Variants in SH3PXD2A observed in about 807,000 individuals in gnomAD.
The protein encoded by SH3PXD2A is SH3 and PX domain-containing protein 2A.
A neutral mutation model predicts 115.2 loss-of-function variants in SH3PXD2A; 32 were observed. That is an observed-to-expected ratio of 0.28 (90% CI 0.21 to 0.37). The LOEUF is 0.37. Ranked by LOEUF, SH3PXD2A falls within the 10% of genes least tolerant of loss-of-function variation. SH3PXD2A has a pLI of 1.00. For synonymous variants in SH3PXD2A, 610 were observed against 629.1 expected (o/e 0.97, Z 0.45); for missense variants, 1,328 against 1,498.7 (o/e 0.89, Z 1.88).
intron 3 of SH3PXD2A, among the ~76,000 whole-genome samples, chr10:103,741,761 C>T (rs1175076824): frequency 6.6e-6 from 1 of 152,222 alleles, no homozygotes; most frequent in East Asian, 1.9e-4. Flanking sequence ...TCCTGCCCTT[C>T]TAACTGGGTC....
At position 103,855,343 on chromosome 10, in the gene SH3PXD2A, T is replaced by G; in HGVS notation, c.-77A>C. 1 of 1,171,780 alleles carries G rather than the reference T, an allele frequency of 8.5e-7. No individual in the cohort carries two copies. The highest frequency in any genetic ancestry group is 1.2e-6 in the Non-Finnish European group (1 of 858,226). The allele number at this position is 1,171,780 out of a possible 1,614,324, so 72.6% of individuals were successfully genotyped here. A position where few individuals can be genotyped will look rare whatever the true frequency, so the allele number is the denominator to read the frequency against. ...GCCGGGCTCCGGCTCCTTCTCCAGC[T>G]GCCGGGGTCCCGGGGCCGCCCGCCA... On this transcript the variant is annotated 5_prime_UTR_variant, in exon 1 of 15. Coordinates refer to ENST00000369774, the MANE Select transcript of SH3PXD2A (RefSeq NM_001394015.1).
At chr10:103,668,738 T>TGG in intron 6 of SH3PXD2A, 86 bp from the exon 7 acceptor site, 1 of 1,249,446 alleles carries the variant, frequency 8.0e-7, no homozygotes, top group Non-Finnish European at 1.1e-6. Flanking sequence ...CCACAGTGAG[T>TGG]GGCTGCAGGC....
chr10:103,645,525 T>G (rs2037022972), intron 8 of SH3PXD2A, among the ~76,000 whole-genome samples: 2 of 152,276 alleles, frequency 1.3e-5, no homozygotes, highest in Middle Eastern at 3.4e-3. Context: ...TGACAGCTCA[T>G]GTAGTCTGCT....
chr10:103,815,421 A>G (rs1589467246), intron 1 of SH3PXD2A, among the ~76,000 whole-genome samples: 2 of 148,706 alleles, frequency 1.3e-5, no homozygotes, highest in Admixed American at 6.8e-5. Flanking sequence ...GTATTTATAT[A>G]CAATATACAC....
intron 9 of SH3PXD2A, among the ~76,000 whole-genome samples, chr10:103,623,306 C>G (rs550972845): frequency 6.6e-6 from 1 of 152,094 alleles, no homozygotes; most frequent in South Asian, 2.1e-4. Context: ...TGACCCCGTG[C>G]CCTGAGCAGC....
intron 5 of SH3PXD2A, among the ~76,000 whole-genome samples, chr10:103,696,428 A>G (rs555841103): frequency 6.6e-6 from 1 of 152,232 alleles, no homozygotes; most frequent in South Asian, 2.1e-4. Context: ...CCCTATAACC[A>G]GTTCCAGTCT....
intron 1 of SH3PXD2A, among the ~76,000 whole-genome samples, chr10:103,811,289 AG>A (rs2039268153): frequency 6.6e-6 from 1 of 152,244 alleles, no homozygotes. Flanking sequence ...AACAGTCCAA[AG>A]AGTCAGCTCC....
intron 3 of SH3PXD2A, among the ~76,000 whole-genome samples, chr10:103,757,683 C>A (rs1338725285): frequency 6.6e-6 from 1 of 152,200 alleles, no homozygotes; most frequent in Non-Finnish European, 1.5e-5. Context: ...TTACTCCCTG[C>A]AAGACCTGGA....
intron 11 of SH3PXD2A, among the ~76,000 whole-genome samples, 196 bp from the exon 12 acceptor site, chr10:103,613,386 G>GC (rs888668925): frequency 1.8e-4 from 27 of 152,254 alleles, no homozygotes; most frequent in Middle Eastern, 3.4e-3. Flanking sequence ...AATTCCCACT[G>GC]CCCCCCCACC....
intron 3 of SH3PXD2A, among the ~76,000 whole-genome samples, chr10:103,737,638 G>C (rs1172021086): frequency 6.6e-6 from 1 of 152,218 alleles, no homozygotes; most frequent in Non-Finnish European, 1.5e-5. Context: ...GGAGGCTGGG[G>C]ATCTACCCAC....
intron 1 of SH3PXD2A, among the ~76,000 whole-genome samples, chr10:103,839,447 T>G (rs954386817): frequency 7.2e-5 from 11 of 152,230 alleles, no homozygotes; most frequent in Admixed American, 2.0e-4. Context: ...GGCAGTGTTT[T>G]GAGTGTTTTC....
intron 2 of SH3PXD2A, among the ~76,000 whole-genome samples, chr10:103,776,716 C>T (rs1285215038): frequency 6.6e-6 from 1 of 152,040 alleles, no homozygotes; most frequent in Non-Finnish European, 1.5e-5. Context: ...CTGCCTTCAT[C>T]TCCACATGAT....
intron 4 of SH3PXD2A, 74 bp from the exon 5 acceptor site, chr10:103,724,435 T>TGGTGTAAGGTG: frequency 2.4e-6 from 2 of 823,974 alleles, no homozygotes; most frequent in Non-Finnish European, 3.8e-6. Context: ...AGTGTCACCT[T>TGGTGTAAGGTG]ACACCAACAG....
intron 1 of SH3PXD2A, among the ~76,000 whole-genome samples, chr10:103,845,259 A>G (rs549187741): frequency 8.6e-5 from 13 of 151,414 alleles, no homozygotes; most frequent in African/African-American, 2.9e-4. Context: ...TGAACCCAGG[A>G]AGTGGACGTT....
intron 2 of SH3PXD2A, among the ~76,000 whole-genome samples, chr10:103,769,176 G>T (rs1053918634): frequency 7.0e-6 from 1 of 142,240 alleles, no homozygotes; most frequent in African/African-American, 2.7e-5. Flanking sequence ...GTGTGTGTGT[G>T]TGTGTGCGCG....
At chr10:103,788,836 C>T (rs1475240674) in intron 2 of SH3PXD2A, among the ~76,000 whole-genome samples, 1 of 152,088 alleles carries the variant, frequency 6.6e-6, no homozygotes, top group East Asian at 1.9e-4. Flanking sequence ...GAGCTGAGAT[C>T]ACACCACTGC....
chr10:103,828,531 T>C (rs943981745), intron 1 of SH3PXD2A, among the ~76,000 whole-genome samples: 4 of 152,178 alleles, frequency 2.6e-5, no homozygotes, highest in African/African-American at 9.7e-5. Flanking sequence ...CCCTACAGAC[T>C]TTTCAGGCTT....
chr10:103,739,834 A>T (rs2134190372), intron 3 of SH3PXD2A, among the ~76,000 whole-genome samples: 1 of 152,282 alleles, frequency 6.6e-6, no homozygotes, highest in South Asian at 2.1e-4. Flanking sequence ...CAGTAACTGG[A>T]GGTCCTTCTT....
intron 5 of SH3PXD2A, among the ~76,000 whole-genome samples, chr10:103,704,553 G>C (rs1390094466): frequency 1.3e-5 from 2 of 152,228 alleles, no homozygotes; most frequent in African/African-American, 2.4e-5. Flanking sequence ...CGACAGGAGT[G>C]ACAGCCAAGT....
Sources: gnomAD v4.1 joint callset for allele counts (sites outside exome capture counted in the v4.1 genomes callset) on GRCh38, gnomAD v4.1.1 for gene constraint, MANE v1.5 for transcripts, NCBI Gene and HGNC (gene_info 2026-07-23, HGNC 2026-07-21) for gene names.